Variants in EPB41L4A observed in about 807,000 individuals in gnomAD.
EPB41L4A encodes band 4.1-like protein 4A.
In EPB41L4A, 100 loss-of-function variants were observed where a neutral mutation model predicts 108.6. The observed-to-expected ratio is 0.92, with a 90% CI of 0.78 to 1.09. EPB41L4A has a LOEUF of 1.09. Ranked by LOEUF, EPB41L4A falls within the 50% of genes least tolerant of loss-of-function variation. EPB41L4A has a pLI of 0.00. For missense variants in EPB41L4A, 1,030 were observed against 842.7 expected, an observed-to-expected ratio of 1.22 and a Z score of -2.75; for synonymous variants, 319 against 289.0, an observed-to-expected ratio of 1.10 and a Z score of -1.05.
At chr5:112,299,858 T>C (rs534676317) in intron 2 of EPB41L4A, among the ~76,000 whole-genome samples, 1 of 152,310 alleles carries the variant, frequency 6.6e-6, no homozygotes, top group South Asian at 2.1e-4. Flanking sequence ...AGTGCATATA[T>C]ATTTGGGACT....
intron 1 of EPB41L4A, among the ~76,000 whole-genome samples, chr5:112,342,147 C>A (rs962971669): frequency 6.6e-6 from 1 of 152,034 alleles, no homozygotes; most frequent in East Asian, 1.9e-4. Flanking sequence ...AAGAAGTTAA[C>A]AAATAACCAT....
intron 1 of EPB41L4A, among the ~76,000 whole-genome samples, chr5:112,374,678 G>A (rs1759698100): frequency 6.6e-6 from 1 of 152,108 alleles, no homozygotes; most frequent in Non-Finnish European, 1.5e-5. Flanking sequence ...AATCATACCT[G>A]GTTTGGGTTT....
rs1759985399 is a variant in EPB41L4A at position 112,162,741 on chromosome 5, T to G, written c.*2249A>C. 6.6e-6 allele frequency: 1 copy of G among 150,914 alleles called. No individual in the cohort carries two copies. The highest frequency in any genetic ancestry group is 1.5e-5 in the Non-Finnish European group (1 of 68,024). The allele number at this position is 150,914 out of a possible 1,614,324, so 9.3% of individuals were successfully genotyped here. A position where few individuals can be genotyped will look rare whatever the true frequency, so the allele number is the denominator to read the frequency against. On this transcript the variant is annotated 3_prime_UTR_variant, in exon 23 of 23. Transcript: ENST00000261486. Reference sequence around the variant, plus strand: ...AGTGGAGGGAATGTCATCACAAATGTAAAACTTCACTATGAGATGAGTTCC... The same window carrying G: ...AGTGGAGGGAATGTCATCACAAATGGAAAACTTCACTATGAGATGAGTTCC...
chr5:112,319,370 T>C (rs1471947243), intron 1 of EPB41L4A, among the ~76,000 whole-genome samples: 2 of 152,106 alleles, frequency 1.3e-5, no homozygotes, highest in African/African-American at 4.8e-5. Context: ...GAGAAATGTG[T>C]CCTTACAATA....
intron 1 of EPB41L4A, among the ~76,000 whole-genome samples, chr5:112,369,028 C>A (rs1214165596): frequency 6.6e-6 from 1 of 152,078 alleles, no homozygotes; most frequent in Non-Finnish European, 1.5e-5. Flanking sequence ...CTAAGGGATC[C>A]AAAGTCTTCT....
intron 1 of EPB41L4A, among the ~76,000 whole-genome samples, chr5:112,361,330 T>G (rs1758742470): frequency 6.6e-6 from 1 of 152,320 alleles, no homozygotes; most frequent in South Asian, 2.1e-4. Context: ...GCATGCTCGT[T>G]AAGAGTCATC....
chr5:112,344,195 C>T (rs1757496907), intron 1 of EPB41L4A, among the ~76,000 whole-genome samples: 1 of 152,054 alleles, frequency 6.6e-6, no homozygotes, highest in African/African-American at 2.4e-5. Context: ...AATCACTACC[C>T]ACATGAGGCT....
intron 15 of EPB41L4A, 123 bp from the exon 16 acceptor site, chr5:112,195,831 C>T (rs1761940819): frequency 1.3e-6 from 1 of 797,580 alleles, no homozygotes; most frequent in Non-Finnish European, 2.1e-6. Context: ...ATTTGCCAAA[C>T]ATTTACGTCA....
At chr5:112,142,210 C>T (rs1759096002), downstream of EPB41L4A, among the ~76,000 whole-genome samples, 1 of 152,196 alleles carries the variant, frequency 6.6e-6, no homozygotes, top group Non-Finnish European at 1.5e-5. Context: ...TACTCCTCTC[C>T]TTCGAATCCC....
At chr5:112,157,700 T>C (rs1027541448), downstream of EPB41L4A, among the ~76,000 whole-genome samples, 11 of 152,228 alleles carry the variant, frequency 7.2e-5, no homozygotes, top group Admixed American at 3.9e-4. Flanking sequence ...TCTTCCATTT[T>C]TATCCCCCTA....
chr5:112,340,307 C>A (rs1757230086), intron 1 of EPB41L4A, among the ~76,000 whole-genome samples: 1 of 152,202 alleles, frequency 6.6e-6, no homozygotes, highest in Admixed American at 6.5e-5. Context: ...CTTGTTGAAA[C>A]AGACTGCTAG....
At chr5:112,214,362 CACT>C (rs1242824604) in intron 12 of EPB41L4A, among the ~76,000 whole-genome samples, 3 of 152,206 alleles carry the variant, frequency 2.0e-5, no homozygotes, top group African/African-American at 4.8e-5. Flanking sequence ...TCCCCACCAC[CACT>C]GCTTTTTCAT....
intron 1 of EPB41L4A, among the ~76,000 whole-genome samples, chr5:112,403,337 C>CAAAAAAAAA (rs113132902): frequency 1.3e-5 from 1 of 78,654 alleles, no homozygotes; most frequent in Non-Finnish European, 3.2e-5. Flanking sequence ...TAATCCTCAG[C>CAAAAAAAAA]AAAAAAAAAA....
chr5:112,408,716 AAAG>A lies in EPB41L4A; in HGVS notation c.99+10222_99+10224del, dbSNP rs1762238985. ...AAAAAAAAAAAAAAAAAAAAAAAAA[AAAG>A]GGCCAGTAAGCACAAGAAAAGATGC... is the stretch of plus-strand genomic sequence containing the variant. On this transcript the variant is annotated intron_variant, in intron 1 of 22. Transcript: ENST00000261486. Among the ~76,000 whole-genome samples, 2 of 51,974 alleles carry A rather than the reference AAAG, an allele frequency of 3.8e-5. 1 individual carries two copies. The highest frequency in any genetic ancestry group is 8.9e-5 in the Non-Finnish European group (2 of 22,350). The allele number at this position is 51,974 out of a possible 152,430, so 34.1% of individuals were successfully genotyped here.
At chr5:112,169,985 G>C in intron 20 of EPB41L4A, 1 of 310,492 alleles carries the variant, frequency 3.2e-6, no homozygotes, top group Non-Finnish European at 5.9e-6. Context: ...TAATTCTCTT[G>C]GTGTAAAATA....
intron 1 of EPB41L4A, among the ~76,000 whole-genome samples, chr5:112,347,567 T>C (rs1427733005): frequency 6.6e-6 from 1 of 152,154 alleles, no homozygotes; most frequent in Admixed American, 6.5e-5. Context: ...GGTTGCTGAG[T>C]TTGTATGAAA....
chr5:112,164,656 G>C lies in EPB41L4A; in HGVS notation c.*334C>G. 6.1e-6 allele frequency: 1 copy of C among 162,872 alleles called. No individual in the cohort carries two copies. The highest frequency in any genetic ancestry group is 1.3e-5 in the Non-Finnish European group (1 of 75,408). 10.1% of individuals were successfully genotyped at this position (162,872 alleles called of 1,614,324 possible). A position where few individuals can be genotyped will look rare whatever the true frequency, so the allele number is the denominator to read the frequency against. On this transcript the variant is annotated 3_prime_UTR_variant, in exon 23 of 23. Transcript: ENST00000261486. ...CGAGACCAGCCTCCAACATGGCAAA[G>C]CCCTGTCTCTACTAAAAATACAAAA...
chr5:112,415,186 T>C (rs1762640780), intron 1 of EPB41L4A, among the ~76,000 whole-genome samples: 1 of 152,166 alleles, frequency 6.6e-6, no homozygotes, highest in African/African-American at 2.4e-5. Context: ...CCTAGCTTAT[T>C]AGGAAATTTC....
chr5:112,168,994 C>T lies in EPB41L4A; in HGVS notation c.1850+1G>A, dbSNP rs1561444665. ...TGGTGTACTCTGGCCTGCCCACTTA[C>T]TTCACTTCCGAGAGAACTGATCGCT... On this transcript the variant is annotated splice_donor_variant, in intron 21 of 22. Coordinates refer to ENST00000261486, the MANE Select transcript of EPB41L4A (RefSeq NM_022140.5). LOFTEE classifies it high-confidence loss of function. 2 of 1,609,890 alleles carry T rather than the reference C, an allele frequency of 1.2e-6. No homozygotes were observed. Among genetic ancestry groups the T allele is most frequent in the Non-Finnish European group, 8.5e-7 (1 of 1,176,144 alleles).
Sources: allele counts gnomAD v4.1 joint callset (sites outside exome capture counted in the v4.1 genomes callset), GRCh38; gene constraint gnomAD v4.1.1; transcripts MANE v1.5; gene names NCBI Gene and HGNC (gene_info 2026-07-23, HGNC 2026-07-21).